The following TYW1 variants were observed in gnomAD, a reference collection of about 807,000 sequenced individuals.
The protein encoded by TYW1 is tRNA-yW synthesizing protein 1 homolog.
Under a neutral mutation model 96.2 loss-of-function variants are expected in TYW1, and 46 were observed. The ratio of observed to expected loss-of-function variants is 0.48; its 90% CI spans 0.38 to 0.61. The LOEUF (loss-of-function observed/expected upper bound fraction) is 0.61. Ranked by LOEUF, TYW1 falls within the 20% of genes least tolerant of loss-of-function variation. The pLI, the probability that TYW1 is intolerant of heterozygous loss-of-function variation, is 0.00. For synonymous variants in TYW1, 274 were observed against 323.0 expected (o/e 0.85, Z 1.63); for missense variants, 684 against 909.6 (o/e 0.75, Z 3.19).
intron 13 of TYW1, among the ~76,000 whole-genome samples, chr7:67,163,953 A>G (rs540831981): frequency 6.6e-6 from 1 of 152,216 alleles, no homozygotes; most frequent in Non-Finnish European, 1.5e-5. Context: ...ACAAGCGTAA[A>G]CCACCACGCC....
intron 1 of TYW1, 66 bp downstream of exon 1, chr7:66,997,048 C>G: frequency 6.2e-7 from 1 of 1,607,260 alleles, no homozygotes; most frequent in Non-Finnish European, 8.5e-7. Context: ...CTGAGACCCT[C>G]TCCGGGCGGA....
At chr7:67,209,405 A>C (rs1284638312) in intron 15 of TYW1, among the ~76,000 whole-genome samples, 2 of 152,156 alleles carry the variant, frequency 1.3e-5, no homozygotes, top group Admixed American at 6.5e-5. Flanking sequence ...ACAATCCAAG[A>C]AGCTTTGATA....
chr7:67,125,523 C>T (rs1445772029), intron 13 of TYW1, among the ~76,000 whole-genome samples: 3 of 152,150 alleles, frequency 2.0e-5, no homozygotes, highest in East Asian at 1.9e-4. Flanking sequence ...CAACATCACC[C>T]GCAAGAGTGG....
chr7:67,073,658 C>G (rs1207061667), intron 10 of TYW1, among the ~76,000 whole-genome samples: 1 of 150,070 alleles, frequency 6.7e-6, no homozygotes, highest in Non-Finnish European at 1.5e-5. Flanking sequence ...CCTGTAATCC[C>G]AGCTACTTGG....
chr7:67,184,432 C>T (rs983917120), intron 14 of TYW1, among the ~76,000 whole-genome samples: 2 of 151,762 alleles, frequency 1.3e-5, no homozygotes, highest in African/African-American at 4.8e-5. Context: ...TTGTATACTC[C>T]AATCAGGAGT....
intron 10 of TYW1, among the ~76,000 whole-genome samples, chr7:67,080,692 C>A (rs1228227881): frequency 6.6e-6 from 1 of 152,198 alleles, no homozygotes; most frequent in African/African-American, 2.4e-5. Context: ...AGCCACCACA[C>A]CCAGCTGCTT....
chr7:67,094,179 C>A (rs1181748825), intron 11 of TYW1, among the ~76,000 whole-genome samples: 1 of 152,048 alleles, frequency 6.6e-6, no homozygotes, highest in Non-Finnish European at 1.5e-5. Context: ...TGATTTTGTT[C>A]GTTTTTATGG....
At chr7:67,005,940 C>T (rs923844919) in intron 3 of TYW1, among the ~76,000 whole-genome samples, 5 of 152,086 alleles carry the variant, frequency 3.3e-5, no homozygotes, top group African/African-American at 9.7e-5. Flanking sequence ...CTGTTCCTGC[C>T]GCCTGGGATA....
At chr7:67,059,108 T>G (rs1320277818) in intron 9 of TYW1, among the ~76,000 whole-genome samples, 1 of 150,362 alleles carries the variant, frequency 6.7e-6, no homozygotes, top group South Asian at 2.1e-4. Context: ...TTTTTTTTTT[T>G]TTTTTTTTTG....
At chr7:67,105,425 G>A (rs926704972) in intron 12 of TYW1, among the ~76,000 whole-genome samples, 56 of 152,316 alleles carry the variant, frequency 3.7e-4, no homozygotes, top group African/African-American at 1.3e-3. Flanking sequence ...CAAGCCCTGC[G>A]TTGATAAGAA....
intron 6 of TYW1, among the ~76,000 whole-genome samples, chr7:67,021,514 C>T (rs536582323): frequency 6.6e-6 from 1 of 152,410 alleles, no homozygotes; most frequent in African/African-American, 2.4e-5. Context: ...GGTATCGTCT[C>T]ATTCGGGCAG....
intron 7 of TYW1, among the ~76,000 whole-genome samples, chr7:67,040,531 A>G (rs1342360253): frequency 1.8e-4 from 28 of 151,944 alleles, no homozygotes; most frequent in Admixed American, 1.7e-3. Context: ...TGTATTTTCT[A>G]CCAGGTTAAG....
chr7:67,117,593 A>G lies in TYW1; in HGVS notation c.1673A>G (p.Asp558Gly), dbSNP rs779375251. 2 of 1,613,724 alleles carry G rather than the reference A, an allele frequency of 1.2e-6. No individual in the cohort carries two copies. Among genetic ancestry groups the G allele is most frequent in the Non-Finnish European group, 1.7e-6 (2 of 1,179,878 alleles). ...AAGGATTTCTGGCAGAGATTCCTTG[A>G]CAGTTTAAAAGCCTTGGCAGTCAAG... ...LFKDFWQRFL[D>G]SLKALAVKQQ... The change falls in exon 13 of 16, where the codon GAC becomes GGC. Residue 558 changes from aspartate (D) to glycine (G), a missense_variant. Coordinates refer to ENST00000359626, the MANE Select transcript of TYW1 (RefSeq NM_018264.4).
chr7:67,078,627 A>G (rs1437187906), intron 10 of TYW1, among the ~76,000 whole-genome samples: 1 of 152,138 alleles, frequency 6.6e-6, no homozygotes, highest in Non-Finnish European at 1.5e-5. Flanking sequence ...GAGATGGGGT[A>G]TCTTTCCATT....
intron 13 of TYW1, among the ~76,000 whole-genome samples, chr7:67,164,355 A>T (rs895344913): frequency 2.0e-5 from 3 of 152,168 alleles, no homozygotes; most frequent in Non-Finnish European, 4.4e-5. Flanking sequence ...AATGCCTGTA[A>T]TCCCAGCATT....
chr7:67,208,725 G>T (rs1800899623), intron 15 of TYW1, among the ~76,000 whole-genome samples: 1 of 151,204 alleles, frequency 6.6e-6, no homozygotes. Flanking sequence ...ACATTCTAGA[G>T]GGATCCCAGA....
At chr7:67,013,630 A>C (rs1194549617) in intron 4 of TYW1, among the ~76,000 whole-genome samples, 4 of 152,044 alleles carry the variant, frequency 2.6e-5, no homozygotes, top group Non-Finnish European at 4.4e-5. Context: ...GGAAGCAGGA[A>C]CATGAGCTGT....
At chr7:67,180,415 TATATATATAA>T (rs1799802204) in intron 13 of TYW1, among the ~76,000 whole-genome samples, 4 of 124,550 alleles carry the variant, frequency 3.2e-5, no homozygotes, top group African/African-American at 1.3e-4. Context: ...TTTATATATA[TATATATATAA>T]TTTTTTTTTT....
At chr7:67,134,133 G>A (rs1798172822) in intron 13 of TYW1, among the ~76,000 whole-genome samples, 1 of 152,032 alleles carries the variant, frequency 6.6e-6, no homozygotes, top group Non-Finnish European at 1.5e-5. Context: ...TGCTTTGCCT[G>A]TAGTATGCAT....
Sources: allele counts gnomAD v4.1 joint callset (sites outside exome capture counted in the v4.1 genomes callset), GRCh38; gene constraint gnomAD v4.1.1; transcripts MANE v1.5; gene names NCBI Gene and HGNC (gene_info 2026-07-23, HGNC 2026-07-21).